Variants in DYDC2 observed in about 807,000 individuals in gnomAD.
The protein encoded by DYDC2 is DPY30 domain-containing protein 2.
In DYDC2, 19 loss-of-function variants were observed where a neutral mutation model predicts 18.7. That is an observed-to-expected ratio of 1.02 (90% CI 0.71 to 1.49). DYDC2 has a LOEUF of 1.49. Ranked by LOEUF, DYDC2 falls within the 40% of genes most tolerant of loss-of-function variation. The probability of loss-of-function intolerance (pLI) is 0.00; values close to 1 mark genes in which losing one functional copy is unlikely to be tolerated. For missense variants in DYDC2, 179 were observed against 205.1 expected (o/e 0.87, Z 0.78); for synonymous variants, 63 against 67.6 (o/e 0.93, Z 0.34).
chr10:80,366,608 G>A (rs1843844509), intron 4 of DYDC2, 80 bp from the exon 5 acceptor site: 11 of 1,487,310 alleles, frequency 7.4e-6, no homozygotes, highest in African/African-American at 1.4e-5. Context: ...CATGAAAATA[G>A]CAATACTGTG....
At chr10:80,351,923 G>A (rs1843007382), upstream of DYDC2, 1 of 1,614,006 alleles carries the variant, frequency 6.2e-7, no homozygotes, top group Non-Finnish European at 8.5e-7. Context: ...GAGCTCCTCT[G>A]CTTTGAGCCT....
chr10:80,356,788 A>G lies in DYDC2; in HGVS notation c.-200A>G. ...AACGAGAGCTCGCGCCTCAGGAGCC[A>G]GTGTAGGCGCCGCAAAGCGGAAGGG... On this transcript the variant is annotated 5_prime_UTR_variant, in exon 1 of 5. Transcript: ENST00000256039. The G allele has an allele frequency of 1.0e-6, 1 of 985,570 alleles. No individual in the cohort carries two copies. Among genetic ancestry groups the G allele is most frequent in the Non-Finnish European group, 1.2e-6 (1 of 830,076 alleles). The allele number at this position is 985,570 out of a possible 1,614,324, so 61.1% of individuals were successfully genotyped here.
At chr10:80,350,579 C>A (rs1842925088) in intron 1 of DYDC2, among the ~76,000 whole-genome samples, 1 of 152,144 alleles carries the variant, frequency 6.6e-6, no homozygotes, top group Non-Finnish European at 1.5e-5. Context: ...TTTCAACAGC[C>A]CTATCCTTCT....
intron 2 of DYDC2, among the ~76,000 whole-genome samples, chr10:80,361,162 T>C (rs1843654960): frequency 1.3e-5 from 2 of 151,178 alleles, no homozygotes; most frequent in South Asian, 2.1e-4. Flanking sequence ...CTATAACAGT[T>C]ACTCTTTTTT....
chr10:80,356,210 T>C, upstream of DYDC2: 1 of 972,018 alleles, frequency 1.0e-6, no homozygotes, highest in Non-Finnish European at 1.2e-6. Flanking sequence ...ACGAGGATAA[T>C]ACCCATCTCT....
chr10:80,365,571 G>A lies in DYDC2; in HGVS notation c.271-1117G>A, dbSNP rs183487001. 5.4e-4 allele frequency among the ~76,000 whole-genome samples: 82 copies of A among 152,306 alleles called. 1 individual carries two copies. The East Asian group carries it at 0.014, about 25-fold the overall frequency. ...ATGTGGACAAGGATGAACTCCACGG[G>A]GCTCATTGTAGAATGGACCTGTACA... On this transcript the variant is annotated intron_variant, in intron 4 of 4. Coordinates refer to ENST00000256039, the MANE Select transcript of DYDC2 (RefSeq NM_032372.6).
upstream of DYDC2, chr10:80,351,932 C>A: frequency 1.2e-6 from 2 of 1,614,176 alleles, no homozygotes; most frequent in Non-Finnish European, 1.7e-6. Context: ...TGCTTTGAGC[C>A]TCTCCATCAT....
intron 2 of DYDC2, 73 bp downstream of exon 2, chr10:80,358,118 C>T (rs963989785): frequency 1.1e-6 from 1 of 951,876 alleles, no homozygotes. Context: ...GGCTCACCGC[C>T]TGTAATCCTA....
upstream of DYDC2, among the ~76,000 whole-genome samples, chr10:80,355,581 A>C (rs1416761189): frequency 6.6e-6 from 1 of 152,160 alleles, no homozygotes; most frequent in Non-Finnish European, 1.5e-5. Context: ...GCACCATCTA[A>C]ATGTTCATCA....
chr10:80,350,931 A>G (rs1481735035), intron 1 of DYDC2, among the ~76,000 whole-genome samples: 1 of 152,204 alleles, frequency 6.6e-6, no homozygotes, highest in Non-Finnish European at 1.5e-5. Context: ...TCCTGCTTCA[A>G]TTAAAAGGTC....
At chr10:80,357,291 G>A (rs1382676178) in intron 1 of DYDC2, among the ~76,000 whole-genome samples, 2 of 151,948 alleles carry the variant, frequency 1.3e-5, no homozygotes, top group African/African-American at 4.8e-5. Context: ...AGAGGAGCGG[G>A]CACGCGGGAC....
intron 4 of DYDC2, among the ~76,000 whole-genome samples, chr10:80,363,810 T>C (rs1226928242): frequency 1.3e-5 from 2 of 152,224 alleles, no homozygotes; most frequent in Non-Finnish European, 2.9e-5. Flanking sequence ...GTATTTGGTT[T>C]ATTATATTCT....
At chr10:80,360,155 A>C (rs1589532108) in intron 2 of DYDC2, among the ~76,000 whole-genome samples, 1 of 152,198 alleles carries the variant, frequency 6.6e-6, no homozygotes, top group South Asian at 2.1e-4. Context: ...GATTGGCAGG[A>C]GACACCACCC....
upstream of DYDC2, among the ~76,000 whole-genome samples, chr10:80,352,973 C>A (rs1843094617): frequency 6.6e-6 from 1 of 152,106 alleles, no homozygotes; most frequent in Admixed American, 6.5e-5. Flanking sequence ...GGAAGATGAG[C>A]AAGCCCAGGC....
At chr10:80,356,541 G>C, upstream of DYDC2, 2 of 985,516 alleles carry the variant, frequency 2.0e-6, no homozygotes, top group Non-Finnish European at 2.4e-6. Context: ...GGGAGCAGGA[G>C]GACAGCTGGC....
chr10:80,366,591 T>C, intron 4 of DYDC2, 97 bp from the exon 5 acceptor site: 1 of 1,424,606 alleles, frequency 7.0e-7, no homozygotes, highest in South Asian at 1.4e-5. Context: ...TGGTTCTTAG[T>C]CTCTGGCATG....
In DYDC2 at chr10:80,357,899, C is replaced by T. The variant is rs1284730364; in HGVS notation, c.-156C>T. 1 of 985,312 alleles carries T rather than the reference C, an allele frequency of 1.0e-6. No individual in the cohort carries two copies. Among genetic ancestry groups the T allele is most frequent in the African/African-American group, 1.7e-5 (1 of 57,232 alleles). The allele number at this position is 985,312 out of a possible 1,614,324, so 61.0% of individuals were successfully genotyped here. On this transcript the variant is annotated 5_prime_UTR_variant, in exon 2 of 5. Transcript: ENST00000256039. Reference sequence around the variant, plus strand: ...AGTCAAGAAATATTTACAGAGCTCCCAGTGTGCCAAGCGTGGGCGGTATAC... The same window carrying T: ...AGTCAAGAAATATTTACAGAGCTCCTAGTGTGCCAAGCGTGGGCGGTATAC...
At chr10:80,362,922 C>T (rs1314571203) in intron 3 of DYDC2, 29 bp from the exon 4 acceptor site, 4 of 1,604,998 alleles carry the variant, frequency 2.5e-6, no homozygotes, top group South Asian at 2.2e-5. Flanking sequence ...TGGTTGCTGA[C>T]CTGATTTGAC....
At chr10:80,358,815 CAGTG>C (rs1183467289) in intron 2 of DYDC2, among the ~76,000 whole-genome samples, 1 of 150,792 alleles carries the variant, frequency 6.6e-6, no homozygotes, top group Admixed American at 6.6e-5. Flanking sequence ...TGGACCCTCA[CAGTG>C]AGTATTACAG....
Sources: allele counts gnomAD v4.1 joint callset (sites outside exome capture counted in the v4.1 genomes callset), GRCh38; gene constraint gnomAD v4.1.1; transcripts MANE v1.5; gene names NCBI Gene and HGNC (gene_info 2026-07-23, HGNC 2026-07-21).